The following ZNF184 variants were observed in gnomAD, a reference collection of about 807,000 sequenced individuals.
The protein encoded by ZNF184 is zinc finger protein 184.
ZNF184 carries 16 observed loss-of-function variants against 54.4 expected under a neutral mutation model. The observed-to-expected ratio is 0.29, with a 90% confidence interval of 0.20 to 0.45. The LOEUF is 0.45. Ranked by LOEUF, ZNF184 falls within the 20% of genes least tolerant of loss-of-function variation. The pLI, the probability that ZNF184 is intolerant of heterozygous loss-of-function variation, is 1.00. For synonymous variants in ZNF184, 254 were observed against 295.3 expected (o/e 0.86, Z 1.43); for missense variants, 681 against 888.2 (o/e 0.77, Z 2.97).
chr6:27,423,036 G>A, the ZNF184 span, among the ~76,000 whole-genome samples: 7 of 152,228 alleles, frequency 4.6e-5, no homozygotes, highest in African/African-American at 9.6e-5. Context: ...GCTGAACTTC[G>A]GAAGTGGCCT....
At position 27,472,943 on chromosome 6, in the gene ZNF184, C is replaced by T. The variant is rs1763316755; in HGVS notation, c.-354G>A. Reference sequence around the variant, plus strand: ...AAATCAGAAGGGTGACGTCACGAGTCCGGAGGGCTGGCTGTTGCCATGGTG... The same window carrying T: ...AAATCAGAAGGGTGACGTCACGAGTTCGGAGGGCTGGCTGTTGCCATGGTG... On this transcript the variant is annotated 5_prime_UTR_variant, in exon 1 of 6. Coordinates refer to ENST00000683788, the MANE Select transcript of ZNF184 (RefSeq NM_001318891.2). This position sits in a 1 kb window ranked among gnomAD's most constrained non-coding sequence, Gnocchi z 4.8. 6.6e-6 allele frequency: 1 copy of T among 152,554 alleles called. No individual in the cohort carries two copies. The highest frequency in any genetic ancestry group is 2.4e-5 in the African/African-American group (1 of 41,476). 9.5% of individuals were successfully genotyped at this position (152,554 alleles called of 1,614,324 possible). A position where few individuals can be genotyped will look rare whatever the true frequency, so the allele number is the denominator to read the frequency against.
intron 3 of ZNF184, among the ~76,000 whole-genome samples, chr6:27,458,295 TAAAAA>T (rs55966783): frequency 8.2e-4 from 51 of 62,362 alleles, no homozygotes; most frequent in South Asian, 3.4e-3. Context: ...TTCTGCACAG[TAAAAA>T]AAAAAAAAAA....
chr6:27,421,454 TA>T, the ZNF184 span, among the ~76,000 whole-genome samples: 7 of 152,212 alleles, frequency 4.6e-5, no homozygotes, highest in Non-Finnish European at 8.8e-5. Context: ...ATGAATTAAT[TA>T]ATCAAGGCAA....
intron 3 of ZNF184, among the ~76,000 whole-genome samples, chr6:27,465,128 G>A (rs2113731385): frequency 6.7e-6 from 1 of 149,180 alleles, no homozygotes; most frequent in African/African-American, 2.5e-5. Context: ...GAACTTCTCA[G>A]CTTACAAAAC....
intron 3 of ZNF184, among the ~76,000 whole-genome samples, chr6:27,464,482 T>C (rs1265156749): frequency 1.3e-5 from 2 of 151,984 alleles, no homozygotes; most frequent in South Asian, 2.1e-4. Context: ...CAAAGAGTTA[T>C]GGCTAATAAG....
intron 2 of ZNF184, among the ~76,000 whole-genome samples, chr6:27,470,179 T>C (rs1175270802): frequency 6.6e-6 from 1 of 151,950 alleles, no homozygotes; most frequent in African/African-American, 2.4e-5. Flanking sequence ...AATGATCTGA[T>C]ATAAACAGAC....
chr6:27,465,645 TA>T (rs1763117441), intron 3 of ZNF184, among the ~76,000 whole-genome samples: 1 of 151,972 alleles, frequency 6.6e-6, no homozygotes, highest in South Asian at 2.1e-4. Flanking sequence ...TACCAGGCAT[TA>T]AAAACACTGT....
At chr6:27,467,759 T>C in intron 3 of ZNF184, 94 bp downstream of exon 3, 1 of 1,246,122 alleles carries the variant, frequency 8.0e-7, no homozygotes. Context: ...ACTGCCAACA[T>C]TGATTTTTGG....
At position 27,451,798 on chromosome 6, in the gene ZNF184, C is replaced by T; in HGVS notation, c.1761G>A (p.Lys587=). The T allele has an allele frequency of 1.2e-6, 2 of 1,613,896 alleles. No homozygotes were observed. Among genetic ancestry groups the T allele is most frequent in the South Asian group, 1.1e-5 (1 of 91,074 alleles). ...TGAATGCTCTCCCACACTCATTACA[C>T]TTGTAAGGTCGTTCTCCAGTATGGA... ...RKIHTGERPY[K]CNECGRAFNQ... Residue 587 remains lysine (K), a synonymous_variant, in exon 6 of 6, where the codon AAG becomes AAA. Transcript: ENST00000683788.
At position 27,472,284 on chromosome 6, in the gene ZNF184, C is replaced by T. The variant is rs1261772220; in HGVS notation, c.7+4G>A. 6.2e-7 allele frequency: 1 copy of T among 1,614,144 alleles called. No homozygotes were observed. Among genetic ancestry groups the T allele is most frequent in the East Asian group, 2.2e-5 (1 of 44,870 alleles). On this transcript the variant is annotated splice_donor_region_variant and intron_variant, in intron 2 of 5. Transcript: ENST00000683788. This position sits in a 1 kb window ranked among gnomAD's most constrained non-coding sequence, Gnocchi z 4.8. ...CCCGCTCTCCCCCAAGTCGACCCCA[C>T]TACCTTCCATCTCAGGAGCTCATCC...
At chr6:27,462,364 A>C (rs1401330867) in intron 3 of ZNF184, among the ~76,000 whole-genome samples, 2 of 151,548 alleles carry the variant, frequency 1.3e-5, no homozygotes. Context: ...CACCCGGCTA[A>C]TTTTTTTGTA....
chr6:27,453,243 C>G lies in ZNF184; in HGVS notation c.316G>C (p.Glu106Gln), dbSNP rs151024306. The G allele has an allele frequency of 6.0e-5, 95 of 1,596,172 alleles. No individual in the cohort carries two copies. The African/African-American group carries it at 9.8e-4, about 16-fold the overall frequency. ...GTCADWETRL[E>Q]NSVSAPEPDI... ...GGCTCTGGGGCTGACACACTATTTT[C>G]AAGTCTTGTCTCCCAGTCTAAAAGA... is the stretch of plus-strand genomic sequence containing the variant. Residue 106 changes from glutamate to glutamine, a missense_variant, in exon 6 of 6, where the codon GAA becomes CAA. Glu to Gln is a conservative substitution (Grantham distance 29). Transcript: ENST00000683788. This position sits in a 1 kb window ranked among gnomAD's most constrained non-coding sequence, Gnocchi z 4.7.
chr6:27,451,978 C>T lies in ZNF184; in HGVS notation c.1581G>A (p.Glu527=). 1 of 1,613,562 alleles carries T rather than the reference C, an allele frequency of 6.2e-7. No individual in the cohort carries two copies. The highest frequency in any genetic ancestry group is 8.5e-7 in the Non-Finnish European group (1 of 1,179,972). The change falls in exon 6 of 6, where the codon GAG becomes GAA. Residue 527 remains glutamate, a synonymous_variant. Coordinates refer to ENST00000683788, the MANE Select transcript of ZNF184 (RefSeq NM_001318891.2). ...LNQHQKTHTQ[E]KAYECKECGK... is the part of the protein sequence containing the mutation. The stretch of plus-strand genomic sequence containing the variant: ...CACATTCTTTACATTCATAAGCTTT[C>T]TCTTGAGTATGAGTTTTCTGATGCT...
At position 27,453,027 on chromosome 6, in the gene ZNF184, G is replaced by A. The variant is rs767851912; in HGVS notation, c.532C>T (p.Pro178Ser). ...CTTTTCCCAAATTCATTATTTACAGGGCCTTTTTCCCAACTGGGTATTGTC... is the reference window on the plus strand; with the variant it reads ...CTTTTCCCAAATTCATTATTTACAGAGCCTTTTTCCCAACTGGGTATTGTC... ...EKTIPSWEKGPVNNEFGKSVN... is the reference protein window; with the variant it reads ...EKTIPSWEKGSVNNEFGKSVN... The change falls in exon 6 of 6, where the codon CCT becomes TCT. Residue 178 changes from proline (P) to serine (S), a missense_variant. Coordinates refer to ENST00000683788, the MANE Select transcript of ZNF184 (RefSeq NM_001318891.2). The surrounding 1 kb of genome is among the most constrained non-coding windows in gnomAD (Gnocchi z 4.7). 3.7e-6 allele frequency: 6 copies of A among 1,613,926 alleles called. No homozygotes were observed. The highest frequency in any genetic ancestry group is 5.1e-6 in the Non-Finnish European group (6 of 1,179,954).
At chr6:27,409,468 C>T in the ZNF184 span, among the ~76,000 whole-genome samples, 1 of 133,154 alleles carries the variant, frequency 7.5e-6, no homozygotes, top group Non-Finnish European at 1.5e-5. Flanking sequence ...CACTGCACTC[C>T]AGCCTGGGCG....
the ZNF184 span, among the ~76,000 whole-genome samples, chr6:27,442,858 GAA>G: frequency 4.4e-5 from 3 of 67,908 alleles, 1 homozygote; most frequent in Admixed American, 3.0e-4. Context: ...AAGAAAGAAA[GAA>G]AGAAAGAAAG....
the ZNF184 span, among the ~76,000 whole-genome samples, chr6:27,424,207 C>T: frequency 3.3e-5 from 5 of 152,130 alleles, no homozygotes; most frequent in South Asian, 2.1e-4. Context: ...TGGAGTTGTT[C>T]GTTCTTCACG....
chr6:27,457,394 T>C lies in ZNF184; in HGVS notation c.91A>G (p.Lys31Glu). ...TGGGTAAAGTCCACTATCACATCCTTGAAAGTCACCGCTTCCTGAAATACC... is the reference window on the plus strand; with the variant it reads ...TGGGTAAAGTCCACTATCACATCCTCGAAAGTCACCGCTTCCTGAAATACC... Reference protein sequence around the residue: ...SASFQEAVTFKDVIVDFTQEE... With the variant: ...SASFQEAVTFEDVIVDFTQEE... The change falls in exon 4 of 6, where the codon AAG becomes GAG. Residue 31 changes from lysine to glutamate, a missense_variant. Transcript: ENST00000683788. 1 of 1,613,902 alleles carries C rather than the reference T, an allele frequency of 6.2e-7. No homozygotes were observed. The highest frequency in any genetic ancestry group is 8.5e-7 in the Non-Finnish European group (1 of 1,179,920).
At chr6:27,460,503 C>A (rs1011291523) in intron 3 of ZNF184, among the ~76,000 whole-genome samples, 1 of 152,160 alleles carries the variant, frequency 6.6e-6, no homozygotes, top group African/African-American at 2.4e-5. Context: ...GAAACACTAA[C>A]ATGAGCCCCA....
Sources: gnomAD v4.1 joint callset for allele counts (sites outside exome capture counted in the v4.1 genomes callset) on GRCh38, gnomAD v4.1.1 for gene constraint, Gnocchi (gnomAD v3.1) non-coding constraint, MANE v1.5 for transcripts, NCBI Gene and HGNC (gene_info 2026-07-23, HGNC 2026-07-21) for gene names.